NHS: variants seen among roughly 807,000 people sequenced by gnomAD.
The protein encoded by NHS is NHS actin remodeling regulator.
NHS carries 5 observed loss-of-function variants against 72.5 expected under a neutral mutation model. The observed-to-expected ratio is 0.07, with a 90% CI of 0.04 to 0.14. NHS has a LOEUF of 0.14. NHS is among the 10% of genes least tolerant of loss of function. The pLI is 1.00. For synonymous variants in NHS, 464 were observed against 547.7 expected (o/e 0.85, Z 2.13); for missense variants, 1,072 against 1,355.7 (o/e 0.79, Z 3.29).
At chrX:17,398,142 T>C (rs1318992668) in intron 1 of NHS, among the ~76,000 whole-genome samples, 3 of 111,551 alleles carry the variant, frequency 2.7e-5, no homozygotes, top group African/African-American at 9.8e-5. Context: ...ATCCCTGAGG[T>C]GCCATTCCAG....
intron 1 of NHS, among the ~76,000 whole-genome samples, chrX:17,598,988 A>G (rs1658048688): frequency 8.9e-6 from 1 of 111,905 alleles, no homozygotes; most frequent in African/African-American, 3.2e-5. Context: ...TTGAACTTGT[A>G]TAAGTGGAAT....
At chrX:17,520,906 G>A (rs997545511) in intron 1 of NHS, among the ~76,000 whole-genome samples, 2 of 111,034 alleles carry the variant, frequency 1.8e-5, no homozygotes, top group Non-Finnish European at 3.8e-5. Context: ...GCATCGCATC[G>A]TCAGGGAGCT....
chrX:17,428,411 T>C (rs1337884377), intron 1 of NHS, among the ~76,000 whole-genome samples: 4 of 112,565 alleles, frequency 3.6e-5, no homozygotes, highest in Non-Finnish European at 7.5e-5. Context: ...TGAAATGTTC[T>C]TTCTTTGCCC....
At chrX:17,378,680 G>A (rs2064359159) in intron 1 of NHS, among the ~76,000 whole-genome samples, 1 of 112,158 alleles carries the variant, frequency 8.9e-6, no homozygotes, top group Admixed American at 9.4e-5. Context: ...CATGTAAGCT[G>A]GTTAGCCCTG....
chrX:17,635,457 C>T (rs780503351), intron 1 of NHS: 2 of 1,166,386 alleles, frequency 1.7e-6, no homozygotes, highest in Non-Finnish European at 2.3e-6. Context: ...TCCATCCCCC[C>T]CGCCGTGCTT....
chrX:17,651,681 A>T (rs997256725), intron 1 of NHS, among the ~76,000 whole-genome samples: 3 of 112,179 alleles, frequency 2.7e-5, no homozygotes, highest in African/African-American at 9.7e-5. Context: ...CCCACATTCC[A>T]TTGGCCAGGA....
intron 1 of NHS, among the ~76,000 whole-genome samples, chrX:17,498,465 C>T (rs2065023003): frequency 8.9e-6 from 1 of 112,024 alleles, no homozygotes; most frequent in African/African-American, 3.2e-5. Flanking sequence ...GGGCATCCAA[C>T]ACCACCTGAT....
At chrX:17,512,972 G>A (rs1224334149) in intron 1 of NHS, among the ~76,000 whole-genome samples, 1 of 111,731 alleles carries the variant, frequency 9.0e-6, no homozygotes, top group Non-Finnish European at 1.9e-5. Flanking sequence ...CCTGTTGGAG[G>A]CTCTGCACTC....
At chrX:17,429,958 C>T (rs1369422088) in intron 1 of NHS, among the ~76,000 whole-genome samples, 1 of 111,599 alleles carries the variant, frequency 9.0e-6, no homozygotes, top group Admixed American at 9.4e-5. Context: ...CACTTGCTGC[C>T]TTTTCCCCCT....
intron 4 of NHS, among the ~76,000 whole-genome samples, chrX:17,721,032 T>C (rs1468938441): frequency 8.9e-6 from 1 of 112,188 alleles, no homozygotes; most frequent in African/African-American, 3.2e-5. Flanking sequence ...AACCTTTTCA[T>C]AGGTGTCTAA....
intron 3 of NHS, chrX:17,705,542 C>T (rs1291136728): frequency 8.9e-6 from 1 of 112,481 alleles, no homozygotes; most frequent in Non-Finnish European, 1.9e-5. Context: ...AACATCTATC[C>T]AAATCATATA....
At chrX:17,409,000 C>T (rs895263665) in intron 1 of NHS, among the ~76,000 whole-genome samples, 1 of 111,219 alleles carries the variant, frequency 9.0e-6, no homozygotes, top group Non-Finnish European at 1.9e-5. Context: ...TACAGGCTCC[C>T]TGGTGTCTCT....
chrX:17,712,259 A>G (rs1364769221), intron 3 of NHS, among the ~76,000 whole-genome samples: 3,262 of 58,152 alleles, frequency 0.056, 180 homozygotes, highest in African/African-American at 0.2. Flanking sequence ...GTGTGTATAT[A>G]TATATATATA....
At chrX:17,490,046 T>G (rs1489255905) in intron 1 of NHS, among the ~76,000 whole-genome samples, 1 of 112,319 alleles carries the variant, frequency 8.9e-6, no homozygotes, top group East Asian at 2.8e-4. Context: ...ATCAATAGAT[T>G]ACAAAAATGT....
At chrX:17,544,041 A>G (rs765089812) in intron 1 of NHS, among the ~76,000 whole-genome samples, 4 of 112,503 alleles carry the variant, frequency 3.6e-5, no homozygotes, top group South Asian at 7.3e-4. Context: ...TTTTCTTTCA[A>G]TCAAGATTGA....
At chrX:17,689,093 A>G (rs1159330781) in intron 2 of NHS, among the ~76,000 whole-genome samples, 1 of 112,504 alleles carries the variant, frequency 8.9e-6, no homozygotes, top group Non-Finnish European at 1.9e-5. Context: ...GAGAAACAAA[A>G]TGGTGATATT....
chrX:17,706,684 C>G (rs1569313796), intron 3 of NHS, among the ~76,000 whole-genome samples: 1 of 111,789 alleles, frequency 8.9e-6, no homozygotes, highest in Non-Finnish European at 1.9e-5. Context: ...CACAGAGAAT[C>G]TGATATAAGG....
chrX:17,500,415 C>G (rs919487629), intron 1 of NHS, among the ~76,000 whole-genome samples: 1 of 111,956 alleles, frequency 8.9e-6, no homozygotes, highest in Non-Finnish European at 1.9e-5. Flanking sequence ...TTGCTGGGAG[C>G]CTTCCTTGAT....
intron 3 of NHS, among the ~76,000 whole-genome samples, chrX:17,700,446 AAAAAAAAAGAAAAG>A (rs1476758081): frequency 1.8e-5 from 2 of 109,862 alleles, no homozygotes; most frequent in Admixed American, 9.7e-5. Flanking sequence ...TGTCTCAAAA[AAAAAAAAAGAAAAG>A]AAAAAAAAGA....
Sources: allele counts gnomAD v4.1 joint callset (sites outside exome capture counted in the v4.1 genomes callset), GRCh38; gene constraint gnomAD v4.1.1; transcripts MANE v1.5; gene names NCBI Gene and HGNC (gene_info 2026-07-23, HGNC 2026-07-21).